Variants in ZNF133 observed in about 807,000 individuals in gnomAD.
The protein encoded by ZNF133 is zinc finger protein 133 (clone pHZ-13).
ZNF133 carries 26 observed loss-of-function variants against 54.9 expected under a neutral mutation model. The observed-to-expected ratio is 0.47, with a 90% CI of 0.35 to 0.66. ZNF133 has a LOEUF of 0.66. ZNF133 is among the 30% of genes least tolerant of loss of function. The pLI is 0.01. For missense variants in ZNF133, 653 were observed against 820.8 expected, an observed-to-expected ratio of 0.80 and a Z score of 2.50; for synonymous variants, 298 against 320.3, an observed-to-expected ratio of 0.93 and a Z score of 0.74.
intron 6 of ZNF133, chr20:18,314,442 G>A (rs6045321): frequency 0.35 from 53,754 of 152,030 alleles, 11,217 homozygotes; most frequent in East Asian, 0.62. Flanking sequence ...AAAGTCATTG[G>A]GGACCTGGGC....
chr20:18,315,272 G>A lies in ZNF133; in HGVS notation c.421G>A (p.Asp141Asn), dbSNP rs1420433326. 1.2e-6 allele frequency: 2 copies of A among 1,614,092 alleles called. No individual in the cohort carries two copies. Among genetic ancestry groups the A allele is most frequent in the Non-Finnish European group, 1.7e-6 (2 of 1,180,024 alleles). The change falls in exon 7 of 7, where the codon GAT becomes AAT. Residue 141 changes from aspartate (D) to asparagine (N), a missense_variant. Asp to Asn is a conservative substitution (Grantham distance 23). Coordinates refer to ENST00000425686, the MANE Select transcript of ZNF133 (RefSeq NM_001352452.2). ...AGCCTCTGAGGGGAGACCCTGGAGT[G>A]ATCAAGCAGAAGGTCCTGAGGGAGA... ...QQASEGRPWSDQAEGPEGEGA... is the reference protein window; with the variant it reads ...QQASEGRPWSNQAEGPEGEGA...
At chr20:18,296,085 C>T (rs2042178822) in intron 1 of ZNF133, among the ~76,000 whole-genome samples, 3 of 152,108 alleles carry the variant, frequency 2.0e-5, no homozygotes, top group African/African-American at 7.2e-5. Context: ...TCTTCTTCTC[C>T]TGTGTCTTCT....
intron 1 of ZNF133, among the ~76,000 whole-genome samples, chr20:18,288,974 A>G (rs1018955597): frequency 2.6e-5 from 4 of 152,122 alleles, no homozygotes; most frequent in African/African-American, 7.2e-5. Context: ...GGGGAGTTGA[A>G]TAAATAAGCT....
In ZNF133 at chr20:18,316,310, A is replaced by G; in HGVS notation, c.1459A>G (p.Thr487Ala). The G allele has an allele frequency of 6.2e-7, 1 of 1,613,840 alleles. No homozygotes were observed. The highest frequency in any genetic ancestry group is 8.5e-7 in the Non-Finnish European group (1 of 1,179,886). The change falls in exon 7 of 7, where the codon ACG becomes GCG. Residue 487 changes from threonine (T) to alanine (A), a missense_variant. Physicochemically the swap from Thr to Ala is moderately conservative, Grantham distance 58. This residue lies in a region of ZNF133 where 292 missense variants were observed against 431.6 expected (regional missense o/e 0.68). Transcript: ENST00000425686. ...QQSNLIRHQRTHSGEKPMVCG... is the reference protein window; with the variant it reads ...QQSNLIRHQRAHSGEKPMVCG... ...ATCCAACCTCATCAGACACCAGAGG[A>G]CGCACTCAGGCGAGAAGCCCATGGT...
rs1332345080 is a variant in ZNF133 at position 18,305,640 on chromosome 20, G to A, written c.-6-41G>A. The A allele has an allele frequency of 6.2e-7, 1 of 1,613,676 alleles. No homozygotes were observed. The highest frequency in any genetic ancestry group is 2.2e-5 in the East Asian group (1 of 44,862). ...CTGCCCCTCACCCTGCCATGGGCAA[G>A]GCTGGCTTCTGAGTGAGCAGGGCTC... On this transcript the variant is annotated intron_variant, in intron 4 of 6. Transcript: ENST00000425686. This position sits in a 1 kb window ranked among gnomAD's most constrained non-coding sequence, Gnocchi z 4.7.
intron 1 of ZNF133, among the ~76,000 whole-genome samples, chr20:18,291,476 C>T (rs886595466): frequency 6.6e-6 from 1 of 152,164 alleles, no homozygotes; most frequent in East Asian, 1.9e-4. Flanking sequence ...TAACTCATAG[C>T]CTGCTCCTCC....
chr20:18,290,635 C>T (rs983811033), intron 1 of ZNF133, among the ~76,000 whole-genome samples: 6 of 151,964 alleles, frequency 3.9e-5, no homozygotes, highest in African/African-American at 1.5e-4. Context: ...TTTTTTCCAC[C>T]AGTCAGAACA....
At chr20:18,310,442 G>A in intron 6 of ZNF133, 1 of 978,014 alleles carries the variant, frequency 1.0e-6, no homozygotes, top group Non-Finnish European at 1.4e-6. Flanking sequence ...TAATCAGAAT[G>A]CTAATTCAAT....
chr20:18,315,015 T>G, intron 6 of ZNF133, 54 bp from the exon 7 acceptor site: 1 of 1,499,642 alleles, frequency 6.7e-7, no homozygotes, highest in African/African-American at 1.4e-5. Context: ...CTAAGCTGAT[T>G]GCTCAGGCTG....
intron 3 of ZNF133, among the ~76,000 whole-genome samples, chr20:18,298,837 A>C (rs1257732457): frequency 1.3e-5 from 2 of 152,202 alleles, no homozygotes; most frequent in Non-Finnish European, 2.9e-5. Flanking sequence ...AAGCAACTGC[A>C]TATGGGGGAA....
intron 1 of ZNF133, among the ~76,000 whole-genome samples, chr20:18,289,555 A>G (rs1190359164): frequency 6.6e-6 from 1 of 152,072 alleles, no homozygotes; most frequent in African/African-American, 2.4e-5. Flanking sequence ...CCACAGCCAC[A>G]TTTCCTCTAG....
At chr20:18,290,633 A>T (rs2040742567) in intron 1 of ZNF133, among the ~76,000 whole-genome samples, 1 of 151,924 alleles carries the variant, frequency 6.6e-6, no homozygotes, top group South Asian at 2.1e-4. Context: ...TTTTTTTTCC[A>T]CCAGTCAGAA....
intron 6 of ZNF133, chr20:18,310,401 G>A: frequency 1.5e-6 from 2 of 1,314,768 alleles, no homozygotes; most frequent in Non-Finnish European, 2.0e-6. Flanking sequence ...CTAGTTACAA[G>A]AAAAGTATTT....
In ZNF133 at chr20:18,315,562, AG is replaced by A; in HGVS notation, c.715del (p.Glu239ArgfsTer15). ...NLLSHQRIHS[G>X]EKPYVCGVCE... ...TGCTCAGTCACCAGCGGATACACTC[AG>A]GGGAGAAGCCCTACGTGTGTGGGGT... On this transcript the variant is annotated frameshift_variant, in exon 7 of 7. Coordinates refer to ENST00000425686, the MANE Select transcript of ZNF133 (RefSeq NM_001352452.2). LOFTEE classifies it high-confidence loss of function. 1 of 1,614,146 alleles carries A rather than the reference AG, an allele frequency of 6.2e-7. No homozygotes were observed. Among genetic ancestry groups the A allele is most frequent in the South Asian group, 1.1e-5 (1 of 91,078 alleles).
intron 1 of ZNF133, 110 bp from the exon 2 acceptor site, chr20:18,297,875 C>T: frequency 1.5e-6 from 1 of 650,982 alleles, no homozygotes; most frequent in Non-Finnish European, 2.6e-6. Flanking sequence ...TTATACTTTC[C>T]CCATTATGCC....
intron 6 of ZNF133, among the ~76,000 whole-genome samples, chr20:18,309,162 C>T (rs1022659800): frequency 1.4e-4 from 21 of 152,168 alleles, no homozygotes; most frequent in African/African-American, 4.6e-4. Flanking sequence ...CCCACCCTTA[C>T]GACCTTATTT....
At chr20:18,294,520 T>C (rs1160638372) in intron 1 of ZNF133, among the ~76,000 whole-genome samples, 7 of 152,240 alleles carry the variant, frequency 4.6e-5, no homozygotes, top group Non-Finnish European at 8.8e-5. Context: ...ATGATTGTAC[T>C]ATCATTTTCT....
chr20:18,316,519 ACTGGGC>A lies in ZNF133; in HGVS notation c.1669_1674del (p.Leu557_Gly558del). ...AGCCCTACATGTGCAGGCAGTGTGG[ACTGGGC>A]TTTGGCAATAAGTCAGCTCTAATTA... On this transcript the variant is annotated inframe_deletion, in exon 7 of 7. Transcript: ENST00000425686. 2.5e-6 allele frequency: 4 copies of A among 1,614,022 alleles called. No homozygotes were observed. Among genetic ancestry groups the A allele is most frequent in the Non-Finnish European group, 3.4e-6 (4 of 1,179,898 alleles).
Position 18,315,550 on chromosome 20 carries a change from G to A in ZNF133, c.699G>A (p.Gln233=). The A allele has an allele frequency of 6.2e-7, 1 of 1,614,208 alleles. No individual in the cohort carries two copies. The highest frequency in any genetic ancestry group is 8.5e-7 in the Non-Finnish European group (1 of 1,180,034). ...FSKMTNLLSH[Q]RIHSGEKPYV... ...AGATGACAAACCTGCTCAGTCACCA[G>A]CGGATACACTCAGGGGAGAAGCCCT... Residue 233 remains glutamine, a synonymous_variant, in exon 7 of 7, where the codon CAG becomes CAA. Coordinates refer to ENST00000425686, the MANE Select transcript of ZNF133 (RefSeq NM_001352452.2).
Sources: allele counts gnomAD v4.1 joint callset (sites outside exome capture counted in the v4.1 genomes callset), GRCh38; gene constraint gnomAD v4.1.1; regional missense constraint gnomAD v4.1.1; non-coding constraint Gnocchi (gnomAD v3.1); transcripts MANE v1.5; gene names NCBI Gene and HGNC (gene_info 2026-07-23, HGNC 2026-07-21).